Variants in RGS7 observed in about 807,000 individuals in gnomAD.
RGS7 encodes regulator of G-protein signaling 7.
RGS7 carries 27 observed loss-of-function variants against 81.1 expected under a neutral mutation model. The ratio of observed to expected loss-of-function variants is 0.33; its 90% CI spans 0.25 to 0.46. The LOEUF is 0.46. Among genes scored for constraint, RGS7 ranks in the 20% least tolerant of loss-of-function variants. The probability of loss-of-function intolerance (pLI) is 1.00; values close to 1 mark genes in which losing one functional copy is unlikely to be tolerated. For missense variants in RGS7, 396 were observed against 607.4 expected (o/e 0.65, Z 3.66); for synonymous variants, 208 against 207.7 (o/e 1.00, Z -0.01).
At chr1:240,792,636 A>G (rs377288754) in intron 18 of RGS7, among the ~76,000 whole-genome samples, 8 of 151,916 alleles carry the variant, frequency 5.3e-5, no homozygotes, top group African/African-American at 1.9e-4. Flanking sequence ...CTCCCTGCCT[A>G]CTCTGCACTG....
chr1:241,328,249 G>T (rs1251512167), intron 2 of RGS7, among the ~76,000 whole-genome samples: 2 of 152,140 alleles, frequency 1.3e-5, no homozygotes, highest in Non-Finnish European at 2.9e-5. Flanking sequence ...TCAGGGCTTT[G>T]CCACTGGCTA....
intron 3 of RGS7, among the ~76,000 whole-genome samples, chr1:241,007,444 G>C (rs2058733187): frequency 6.6e-6 from 1 of 152,142 alleles, no homozygotes; most frequent in Non-Finnish European, 1.5e-5. Context: ...TAGGTCATTA[G>C]TAGTTAAGTT....
At chr1:241,106,083 C>T (rs2065079122) in intron 2 of RGS7, among the ~76,000 whole-genome samples, 1 of 152,060 alleles carries the variant, frequency 6.6e-6, no homozygotes, top group Non-Finnish European at 1.5e-5. Context: ...GAAAGCCTTT[C>T]GAATGCAGAA....
chr1:241,053,183 C>A (rs2061335281), intron 3 of RGS7, among the ~76,000 whole-genome samples: 2 of 152,268 alleles, frequency 1.3e-5, no homozygotes, highest in South Asian at 4.1e-4. Flanking sequence ...AAAAGCCTAT[C>A]CAGCTCTTCT....
In RGS7 at chr1:241,120,652, G is replaced by A. The variant is rs531054693; in HGVS notation, c.79-21890C>T. Among the ~76,000 whole-genome samples, 9 of 152,220 alleles carry A rather than the reference G, an allele frequency of 5.9e-5. No homozygotes were observed. In the South Asian group the frequency reaches 1.9e-3, roughly 32 times the overall value. ...TGAGCCACCGCGCCTGGCCTAAACT[G>A]TGAAATTCTTACAGGGGGAAATTTT... On this transcript the variant is annotated intron_variant, in intron 2 of 18. Transcript: ENST00000440928.
chr1:240,880,273 C>A (rs940830182), intron 6 of RGS7, among the ~76,000 whole-genome samples: 1 of 152,232 alleles, frequency 6.6e-6, no homozygotes, highest in African/African-American at 2.4e-5. Context: ...AAGTCCCGGG[C>A]TCCAGCAGTT....
intron 2 of RGS7, among the ~76,000 whole-genome samples, chr1:241,300,268 C>T (rs998394373): frequency 6.6e-6 from 1 of 152,182 alleles, no homozygotes; most frequent in African/African-American, 2.4e-5. Context: ...AACAAACCTA[C>T]ATCGCTACAT....
At chr1:241,352,043 C>G (rs2148745984) in intron 2 of RGS7, among the ~76,000 whole-genome samples, 1 of 152,280 alleles carries the variant, frequency 6.6e-6, no homozygotes, top group Middle Eastern at 3.4e-3. Context: ...GTCTAGTGGA[C>G]AGCATGCTGG....
intron 18 of RGS7, among the ~76,000 whole-genome samples, chr1:240,786,281 A>T (rs1055489239): frequency 4.6e-5 from 7 of 152,036 alleles, no homozygotes; most frequent in Non-Finnish European, 8.8e-5. Context: ...CATGTTTAAA[A>T]TTTTTTTTAC....
At chr1:241,308,596 A>T (rs1225181114) in intron 2 of RGS7, among the ~76,000 whole-genome samples, 1 of 152,138 alleles carries the variant, frequency 6.6e-6, no homozygotes, top group Non-Finnish European at 1.5e-5. Context: ...ACAGCTGCTG[A>T]GTGTTCTTCG....
chr1:241,243,576 A>G (rs1297437323), intron 2 of RGS7, among the ~76,000 whole-genome samples: 3 of 152,240 alleles, frequency 2.0e-5, no homozygotes, highest in Non-Finnish European at 4.4e-5. Flanking sequence ...ATGAAGGGAA[A>G]GAGATGGATC....
chr1:241,019,995 T>C, intron 3 of RGS7, among the ~76,000 whole-genome samples: 1 of 152,248 alleles, frequency 6.6e-6, no homozygotes, highest in East Asian at 1.9e-4. Context: ...AAAAGAGTGA[T>C]GACTTCTAAG....
chr1:240,980,135 G>T (rs1684706902), intron 4 of RGS7, among the ~76,000 whole-genome samples: 1 of 152,132 alleles, frequency 6.6e-6, no homozygotes, highest in Non-Finnish European at 1.5e-5. Context: ...ATGACTACAT[G>T]TCTAATGGTA....
intron 2 of RGS7, among the ~76,000 whole-genome samples, chr1:241,255,468 C>T (rs371152728): frequency 1.3e-5 from 2 of 152,138 alleles, no homozygotes; most frequent in East Asian, 1.9e-4. Context: ...GAAATCCTAC[C>T]TAAACAAAAG....
intron 2 of RGS7, among the ~76,000 whole-genome samples, chr1:241,314,054 C>T (rs1187655030): frequency 1.3e-5 from 2 of 152,182 alleles, no homozygotes; most frequent in Admixed American, 1.3e-4. Context: ...ATGGAATCTA[C>T]TCCTAGTGAA....
chr1:240,896,774 T>A (rs1669165493), intron 6 of RGS7, among the ~76,000 whole-genome samples: 1 of 152,208 alleles, frequency 6.6e-6, no homozygotes, highest in African/African-American at 2.4e-5. Flanking sequence ...TGGGCTCTTT[T>A]TTGGTTCCAT....
intron 2 of RGS7, among the ~76,000 whole-genome samples, chr1:241,116,655 T>A (rs538044958): frequency 6.6e-6 from 1 of 152,260 alleles, no homozygotes; most frequent in South Asian, 2.1e-4. Context: ...TTCTGTAAAT[T>A]TTTTTTAGTT....
intron 3 of RGS7, among the ~76,000 whole-genome samples, chr1:241,039,014 A>G (rs2060472872): frequency 6.6e-6 from 1 of 152,050 alleles, no homozygotes; most frequent in South Asian, 2.1e-4. Flanking sequence ...AAAGAATGAA[A>G]GTCAGGCAGC....
intron 2 of RGS7, among the ~76,000 whole-genome samples, chr1:241,139,283 TTTCCTTCCTTCTTTCC>T (rs2067753647): frequency 6.8e-6 from 1 of 146,244 alleles, no homozygotes; most frequent in Non-Finnish European, 1.5e-5. Context: ...CCTCCCCATC[TTTCCTTCCTTCTTTCC>T]TTCCTTCCTT....
Sources: allele counts gnomAD v4.1 joint callset (sites outside exome capture counted in the v4.1 genomes callset), GRCh38; gene constraint gnomAD v4.1.1; transcripts MANE v1.5; gene names NCBI Gene and HGNC (gene_info 2026-07-23, HGNC 2026-07-21).